Variants in MYO5A observed in about 807,000 individuals in gnomAD.
MYO5A encodes unconventional myosin-Va.
Under a neutral mutation model 249.7 loss-of-function variants are expected in MYO5A, and 98 were observed. The ratio of observed to expected loss-of-function variants is 0.39; its 90% CI spans 0.33 to 0.46. MYO5A has a LOEUF of 0.46. Among genes scored for constraint, MYO5A ranks in the 20% least tolerant of loss-of-function variants. The pLI is 0.98. For missense variants in MYO5A, 1,696 were observed against 2,308.8 expected, an observed-to-expected ratio of 0.73 and a Z score of 5.44; for synonymous variants, 778 against 810.6, an observed-to-expected ratio of 0.96 and a Z score of 0.68.
intron 33 of MYO5A, 47 bp downstream of exon 33, chr15:52,337,763 A>G (rs1275085125): frequency 1.4e-6 from 2 of 1,394,588 alleles, no homozygotes; most frequent in African/African-American, 1.4e-5. Flanking sequence ...ACAGAGGGCT[A>G]TAAGTAGCAA....
At chr15:52,350,482 A>G (rs1431551694) in intron 28 of MYO5A, among the ~76,000 whole-genome samples, 1 of 152,110 alleles carries the variant, frequency 6.6e-6, no homozygotes, top group Non-Finnish European at 1.5e-5. Context: ...CTCATTATAT[A>G]TCATGGATTT....
intron 36 of MYO5A, among the ~76,000 whole-genome samples, chr15:52,326,265 C>T (rs2140945127): frequency 6.6e-6 from 1 of 152,252 alleles, no homozygotes; most frequent in African/African-American, 2.4e-5. Flanking sequence ...TATCTTCTTG[C>T]AATTATTATG....
chr15:52,507,541 G>C lies in MYO5A; in HGVS notation c.27+21239C>G, dbSNP rs1305722522. Among the ~76,000 whole-genome samples, 4 of 152,240 alleles carry C rather than the reference G, an allele frequency of 2.6e-5. No homozygotes were observed. The East Asian group carries it at 7.7e-4, about 29-fold the overall frequency. ...AGCTTTAAGAGTGTGATAAGGGCCT[G>C]GTACAGGGACTCACACCTGTAATCC... On this transcript the variant is annotated intron_variant, in intron 1 of 41. Transcript: ENST00000399233.
Position 52,433,199 on chromosome 15 carries a change from G to A in MYO5A, c.114C>T (p.Leu38=). The A allele has an allele frequency of 6.2e-7, 1 of 1,612,420 alleles. No homozygotes were observed. Among genetic ancestry groups the A allele is most frequent in the Non-Finnish European group, 8.5e-7 (1 of 1,178,648 alleles). ...LKDYKPGDKV[L]LLHLEEGKDL... is the part of the protein sequence containing the mutation. ...CCTTTCCTTCCTCGAGGTGAAGCAG[G>A]AGGACTTTATCTCCTGGCTTATAAT... The change falls in exon 2 of 42, where the codon CTC becomes CTT. Residue 38 remains leucine (L), a synonymous_variant. Coordinates refer to ENST00000399233, the MANE Select transcript of MYO5A (RefSeq NM_001382347.1).
At chr15:52,477,483 C>T (rs746303236) in intron 1 of MYO5A, among the ~76,000 whole-genome samples, 19 of 152,282 alleles carry the variant, frequency 1.2e-4, no homozygotes, top group African/African-American at 4.1e-4. Flanking sequence ...GGAGAAGAGG[C>T]GCTCTGATTT....
chr15:52,339,851 A>C (rs1436255736), intron 32 of MYO5A, among the ~76,000 whole-genome samples: 1 of 152,198 alleles, frequency 6.6e-6, no homozygotes, highest in Non-Finnish European at 1.5e-5. Flanking sequence ...CCCCAGTCTC[A>C]GTTGTGACAA....
intron 18 of MYO5A, among the ~76,000 whole-genome samples, chr15:52,377,615 A>G (rs1596370148): frequency 6.7e-6 from 1 of 149,222 alleles, no homozygotes; most frequent in African/African-American, 2.5e-5. Flanking sequence ...CTGTCTCCCA[A>G]GCTGGAGTAC....
chr15:52,337,861 A>C lies in MYO5A; in HGVS notation c.4263T>G (p.Asp1421Glu). 1 of 1,545,616 alleles carries C rather than the reference A, an allele frequency of 6.5e-7. No homozygotes were observed. Among genetic ancestry groups the C allele is most frequent in the South Asian group, 1.2e-5 (1 of 83,428 alleles). Reference protein sequence around the residue: ...ENLYFEELYADDPKKYQSYRI... With the variant: ...ENLYFEELYAEDPKKYQSYRI... ...GATATGATTGATACTTCTTAGGGTC[A>C]TCTGCATATAATTCCTCAAAATACT... is the stretch of plus-strand genomic sequence containing the variant. Residue 1421 changes from aspartate to glutamate, a missense_variant, in exon 33 of 42, where the codon GAT becomes GAG. Physicochemically the swap from Asp to Glu is conservative, Grantham distance 45 (BLOSUM62 2). Transcript: ENST00000399233.
chr15:52,373,584 T>C (rs1354363644), intron 20 of MYO5A, among the ~76,000 whole-genome samples: 1 of 152,150 alleles, frequency 6.6e-6, no homozygotes, highest in Admixed American at 6.5e-5. Flanking sequence ...GGAGCACTAA[T>C]GTGATGGCTG....
chr15:52,387,904 G>A lies in MYO5A; in HGVS notation c.1677C>T (p.Tyr559=). 1 of 1,609,638 alleles carries A rather than the reference G, an allele frequency of 6.2e-7. No individual in the cohort carries two copies. The highest frequency in any genetic ancestry group is 1.1e-5 in the South Asian group (1 of 90,996). Residue 559 remains tyrosine, a synonymous_variant, in exon 14 of 42, where the codon TAC becomes TAT. Transcript: ENST00000399233. The stretch of plus-strand genomic sequence containing the variant: ...TCTTTTCGAGAAATCCTTCACACTG[G>A]TATTCCACCTGAAAACACATGGAAA... ...IIQHFADKVE[Y]QCEGFLEKNK... is the part of the protein sequence containing the mutation.
Position 52,483,031 on chromosome 15 carries a change from C to T in MYO5A, c.27+45749G>A, listed in dbSNP as rs139874268. On this transcript the variant is annotated intron_variant, in intron 1 of 41. Transcript: ENST00000399233. ...AGCTAAGTCACATAGAGGAAAAAAC[C>T]GAAGCAAAGTGTTGGTTCCAAGGCA... Among the ~76,000 whole-genome samples, 376 of 152,218 alleles carry T rather than the reference C, an allele frequency of 2.5e-3. 3 individuals carry two copies. The highest frequency in any genetic ancestry group is 8.5e-3 in the African/African-American group (351 of 41,518).
Position 52,370,243 on chromosome 15 carries a change from C to G in MYO5A, c.2992G>C (p.Asp998His). 2 of 1,614,102 alleles carry G rather than the reference C, an allele frequency of 1.2e-6. No homozygotes were observed. The highest frequency in any genetic ancestry group is 1.7e-6 in the Non-Finnish European group (2 of 1,179,992). The change falls in exon 22 of 42, where the codon GAC becomes CAC. Residue 998 changes from aspartate (D) to histidine (H), a missense_variant. By Grantham distance (81) the Asp-to-His change is moderately conservative. Coordinates refer to ENST00000399233, the MANE Select transcript of MYO5A (RefSeq NM_001382347.1). ...LQEEIAKLRK[D>H]LEQTRSEKKC... ...TTCTCTGAACGAGTTTGCTCCAGGT[C>G]TTTCCGGAGCTTGGCAATTTCTTCC...
At chr15:52,482,940 A>C (rs1370468282) in intron 1 of MYO5A, among the ~76,000 whole-genome samples, 1 of 152,170 alleles carries the variant, frequency 6.6e-6, no homozygotes, top group Non-Finnish European at 1.5e-5. Flanking sequence ...AAGCTCACTC[A>C]GGTGAAGGAT....
intron 25 of MYO5A, among the ~76,000 whole-genome samples, chr15:52,358,803 C>T (rs2040374323): frequency 6.6e-6 from 1 of 151,388 alleles, no homozygotes. Flanking sequence ...AAAAAAAAAA[C>T]ACTAAAACTT....
chr15:52,391,826 C>T (rs962378898), intron 12 of MYO5A, 104 bp downstream of exon 12: 39 of 1,214,464 alleles, frequency 3.2e-5, no homozygotes, highest in Middle Eastern at 1.9e-4. Context: ...GTCACCACGA[C>T]GGCATTCCAT....
At chr15:52,486,873 C>T (rs1693494) in intron 1 of MYO5A, among the ~76,000 whole-genome samples, 119,032 of 152,108 alleles carry the variant, frequency 0.78, 47,101 homozygotes, top group South Asian at 0.85. Context: ...CCCACGAGGA[C>T]ACACCCATGT....
intron 2 of MYO5A, 57 bp from the exon 3 acceptor site, chr15:52,428,626 G>A: frequency 3.2e-6 from 5 of 1,579,834 alleles, no homozygotes; most frequent in Middle Eastern, 1.7e-4. Context: ...TGTGAAAGAG[G>A]CCCATGCATT....
At chr15:52,473,286 G>A (rs960185926) in intron 1 of MYO5A, among the ~76,000 whole-genome samples, 4 of 152,178 alleles carry the variant, frequency 2.6e-5, no homozygotes, top group African/African-American at 9.7e-5. Flanking sequence ...TGTAGATTCT[G>A]GATATTGGCC....
intron 5 of MYO5A, among the ~76,000 whole-genome samples, chr15:52,415,019 G>C (rs1031935926): frequency 6.6e-6 from 1 of 152,016 alleles, no homozygotes; most frequent in East Asian, 1.9e-4. Flanking sequence ...CCAAAAAGTA[G>C]AAGTCCTGCT....
Sources: gnomAD v4.1 joint callset for allele counts (sites outside exome capture counted in the v4.1 genomes callset) on GRCh38, gnomAD v4.1.1 for gene constraint, MANE v1.5 for transcripts, NCBI Gene and HGNC (gene_info 2026-07-23, HGNC 2026-07-21) for gene names.